CACNA1C: variants seen among roughly 807,000 people sequenced by gnomAD.
CACNA1C encodes the protein voltage-dependent L-type calcium channel subunit alpha-1C.
Under a neutral mutation model 229.0 loss-of-function variants are expected in CACNA1C, and 30 were observed. The observed-to-expected ratio is 0.13, with a 90% CI of 0.10 to 0.18. The LOEUF (loss-of-function observed/expected upper bound fraction) is 0.18. CACNA1C is among the 10% of genes least tolerant of loss of function. The pLI is 1.00. For missense variants in CACNA1C, 1,658 were observed against 2,845.0 expected, an observed-to-expected ratio of 0.58 and a Z score of 9.49; for synonymous variants, 1,114 against 1,132.5, an observed-to-expected ratio of 0.98 and a Z score of 0.33.
Position 2,053,003 on chromosome 12 carries a change from C to G in CACNA1C, c.-560C>G. On this transcript the variant is annotated 5_prime_UTR_variant, in exon 1 of 47. Coordinates refer to ENST00000399655, the MANE Select transcript of CACNA1C (RefSeq NM_000719.7). The surrounding 1 kb of genome is among the most constrained non-coding windows in gnomAD (Gnocchi z 5.8). ...GCGCCCGGTGTCTCCCTCTCGCTGCCTCTGCAGAAACAGCTCCTGCCAGAG... is the reference window on the plus strand; with the variant it reads ...GCGCCCGGTGTCTCCCTCTCGCTGCGTCTGCAGAAACAGCTCCTGCCAGAG... The G allele has an allele frequency of 1.0e-6, 1 of 984,188 alleles. No homozygotes were observed. Among genetic ancestry groups the G allele is most frequent in the Non-Finnish European group, 1.2e-6 (1 of 829,528 alleles). The allele number at this position is 984,188 out of a possible 1,614,324, so 61.0% of individuals were successfully genotyped here.
At chr12:2,482,207 G>A (rs1235359316) in intron 5 of CACNA1C, among the ~76,000 whole-genome samples, 1 of 152,258 alleles carries the variant, frequency 6.6e-6, no homozygotes. Context: ...GCCTTTCCTG[G>A]ACCAGCCTTG....
chr12:2,655,531 C>T (rs1419653449), intron 34 of CACNA1C, among the ~76,000 whole-genome samples: 3 of 152,216 alleles, frequency 2.0e-5, no homozygotes, highest in Non-Finnish European at 4.4e-5. Context: ...AGGCCCAAAG[C>T]CAACCTGCCG....
At chr12:2,087,841 A>G (rs1412228027) in intron 1 of CACNA1C, among the ~76,000 whole-genome samples, 1 of 152,110 alleles carries the variant, frequency 6.6e-6, no homozygotes, top group Non-Finnish European at 1.5e-5. Context: ...TTTGACTCTG[A>G]CCTTGTTTGA....
At position 2,595,803 on chromosome 12, in the gene CACNA1C, C is replaced by G; in HGVS notation, c.2664-71C>G. 1 of 1,516,130 alleles carries G rather than the reference C, an allele frequency of 6.6e-7. No homozygotes were observed. The highest frequency in any genetic ancestry group is 2.3e-5 in the East Asian group (1 of 43,784). The allele number at this position is 1,516,130 out of a possible 1,614,324, so 93.9% of individuals were successfully genotyped here. Reference sequence around the variant, plus strand: ...CTGGGGAGAGCTGAGGAGAGGGGCTCCCAAGAGCCGACTGGTGCTTCCCCT... The same window carrying G: ...CTGGGGAGAGCTGAGGAGAGGGGCTGCCAAGAGCCGACTGGTGCTTCCCCT... On this transcript the variant is annotated intron_variant, in intron 19 of 46. Transcript: ENST00000399655. The surrounding 1 kb of genome is among the most constrained non-coding windows in gnomAD (Gnocchi z 4.1).
intron 3 of CACNA1C, among the ~76,000 whole-genome samples, chr12:2,364,506 G>T (rs924589308): frequency 6.6e-6 from 1 of 152,200 alleles, no homozygotes; most frequent in Admixed American, 6.5e-5. Flanking sequence ...TTATGTTGTG[G>T]AAATGTGACT....
chr12:2,253,846 C>T (rs1158947761), intron 3 of CACNA1C, among the ~76,000 whole-genome samples: 1 of 152,148 alleles, frequency 6.6e-6, no homozygotes, highest in African/African-American at 2.4e-5. Flanking sequence ...CACTTAATAA[C>T]CTTTAATACA....
At position 2,067,482 on chromosome 12, in the gene CACNA1C, G is replaced by GTGTGTGTGTGCA. The variant is rs1555107491; in HGVS notation, c.49+13871_49+13872insTGTGTGTGTGCA. On this transcript the variant is annotated intron_variant, in intron 1 of 46. Transcript: ENST00000399655. This position sits in a 1 kb window ranked among gnomAD's most constrained non-coding sequence, Gnocchi z 5.3. Reference sequence around the variant, plus strand: ...TGTGTGTGTGTGTGTGTGTGTGTGTGCGCGCGTGTGCGTGCCTGTATGTAA... The same window carrying GTGTGTGTGTGCA: ...TGTGTGTGTGTGTGTGTGTGTGTGTGTGTGTGTGTGCACGCGCGTGTGCGTGCCTGTATGTAA... Among the ~76,000 whole-genome samples the GTGTGTGTGTGCA allele has an allele frequency of 7.5e-3, 130 of 17,350 alleles. No homozygotes were observed. Among genetic ancestry groups the GTGTGTGTGTGCA allele is most frequent in the African/African-American group, 9.9e-3 (127 of 12,860 alleles). The allele number at this position is 17,350 out of a possible 152,430, so 11.4% of individuals were successfully genotyped here. A position where few individuals can be genotyped will look rare whatever the true frequency, so the allele number is the denominator to read the frequency against.
chr12:2,207,862 C>T (rs1255574759), intron 3 of CACNA1C, among the ~76,000 whole-genome samples: 3 of 151,868 alleles, frequency 2.0e-5, no homozygotes, highest in Non-Finnish European at 4.4e-5. Context: ...AATTGGCTAG[C>T]GTTTCCCACA....
chr12:2,061,570 T>C (rs2057510872), intron 1 of CACNA1C, among the ~76,000 whole-genome samples: 1 of 152,004 alleles, frequency 6.6e-6, no homozygotes. Flanking sequence ...GTTTCCAAGC[T>C]GAGGGTGAGG....
intron 5 of CACNA1C, among the ~76,000 whole-genome samples, chr12:2,458,567 A>G (rs1260936414): frequency 6.6e-6 from 1 of 152,188 alleles, no homozygotes; most frequent in African/African-American, 2.4e-5. Flanking sequence ...CTTTCAGTTC[A>G]GCTCCAGTAG....
intron 13 of CACNA1C, among the ~76,000 whole-genome samples, chr12:2,572,836 TCTCTTCCTCCTC>T (rs1283254359): frequency 1.6e-3 from 123 of 76,854 alleles, no homozygotes; most frequent in Non-Finnish European, 2.9e-3. Flanking sequence ...CCCTCCTCCT[TCTCTTCCTCCTC>T]CTCTTCCTCC....
intron 3 of CACNA1C, among the ~76,000 whole-genome samples, chr12:2,269,557 G>T (rs912980507): frequency 5.3e-5 from 8 of 152,214 alleles, no homozygotes; most frequent in African/African-American, 1.9e-4. Flanking sequence ...ACAGGTTTGG[G>T]TACAGCCACT....
intron 1 of CACNA1C, among the ~76,000 whole-genome samples, chr12:2,076,841 C>T (rs960969379): frequency 1.3e-5 from 2 of 152,210 alleles, no homozygotes; most frequent in African/African-American, 2.4e-5. Context: ...TCTTTAAACA[C>T]GCAGTTGCTG....
chr12:2,688,663 G>A lies in CACNA1C; in HGVS notation c.6001G>A (p.Gly2001Ser), dbSNP rs552478740. Residue 2001 changes from glycine to serine, a missense_variant, in exon 46 of 47, where the codon GGT becomes AGT. Around this residue, in one of 20 missense-constraint regions of CACNA1C, gnomAD observed 590 missense variants for 700.8 expected, o/e 0.84. Coordinates refer to ENST00000399655, the MANE Select transcript of CACNA1C (RefSeq NM_000719.7). The part of the protein sequence containing the change: ...HCGSWAETTP[G>S]GGGSSAARRV... The stretch of plus-strand genomic sequence containing the variant: ...CGGCTCCTGGGCTGAGACCACCCCC[G>A]GTGGCGGGGGCAGCAGCGCCGCCCG... The A allele has an allele frequency of 3.5e-5, 56 of 1,613,604 alleles. No homozygotes were observed. The highest frequency in any genetic ancestry group is 1.6e-4 in the Middle Eastern group (1 of 6,062).
chr12:2,615,824 G>C (rs765748131), intron 29 of CACNA1C, among the ~76,000 whole-genome samples: 10 of 152,338 alleles, frequency 6.6e-5, no homozygotes, highest in South Asian at 2.1e-4. Flanking sequence ...AGGGTACTGG[G>C]GGGGAGGAGC....
Position 2,578,758 on chromosome 12 carries a change from G to A in CACNA1C, c.1896-2832G>A, listed in dbSNP as rs577659746. Among the ~76,000 whole-genome samples, 38 of 152,280 alleles carry A rather than the reference G, an allele frequency of 2.5e-4. 1 individual carries two copies. Among genetic ancestry groups the A allele is most frequent in the South Asian group, 1.2e-3 (6 of 4,824 alleles). On this transcript the variant is annotated intron_variant, in intron 13 of 46. Transcript: ENST00000399655. Reference sequence around the variant, plus strand: ...AGGAGCTCCATCAGAGCACGAACCCGGTGTTGTGCAGCTTGGACTTTCCCA... The same window carrying A: ...AGGAGCTCCATCAGAGCACGAACCCAGTGTTGTGCAGCTTGGACTTTCCCA...
intron 13 of CACNA1C, 35 bp from the exon 14 acceptor site, chr12:2,581,555 G>A (rs1186180194): frequency 3.9e-6 from 6 of 1,523,376 alleles, no homozygotes; most frequent in South Asian, 1.3e-5. Context: ...GACAGCAAGG[G>A]GCAGAGTGCT....
At chr12:2,189,943 T>G (rs978071592) in intron 3 of CACNA1C, among the ~76,000 whole-genome samples, 1 of 152,236 alleles carries the variant, frequency 6.6e-6, no homozygotes, top group African/African-American at 2.4e-5. Flanking sequence ...AGCCGAAACC[T>G]TCAAGGCTGG....
At chr12:2,466,934 C>A (rs978357968) in intron 5 of CACNA1C, among the ~76,000 whole-genome samples, 18 of 152,114 alleles carry the variant, frequency 1.2e-4, no homozygotes, top group Non-Finnish European at 2.4e-4. Flanking sequence ...CTCATTCTCC[C>A]CTCACTTTCT....
Sources: allele counts gnomAD v4.1 joint callset (sites outside exome capture counted in the v4.1 genomes callset), GRCh38; gene constraint gnomAD v4.1.1; regional missense constraint gnomAD v4.1.1; non-coding constraint Gnocchi (gnomAD v3.1); transcripts MANE v1.5; gene names NCBI Gene and HGNC (gene_info 2026-07-23, HGNC 2026-07-21).